Variants in SYT17 observed in about 807,000 individuals in gnomAD.
The protein encoded by SYT17 is synaptotagmin-17.
SYT17 carries 22 observed loss-of-function variants against 46.7 expected under a neutral mutation model. The ratio of observed to expected loss-of-function variants is 0.47; its 90% CI spans 0.34 to 0.67. The LOEUF is 0.67. Among genes scored for constraint, SYT17 ranks in the 30% least tolerant of loss-of-function variants. The pLI is 0.01. For missense variants in SYT17, 519 were observed against 612.8 expected (o/e 0.85, Z 1.62); for synonymous variants, 251 against 248.4 (o/e 1.01, Z -0.10).
Position 19,253,116 on chromosome 16 carries a change from T to C in SYT17, c.1229-13764T>C, listed in dbSNP as rs868067121. 4.6e-4 allele frequency among the ~76,000 whole-genome samples: 70 copies of C among 152,198 alleles called. 1 individual carries two copies. The highest frequency in any genetic ancestry group is 1.6e-3 in the African/African-American group (67 of 41,446). ...ACAGCCCACTTCCTGATTTTGTAAA[T>C]AAAGTTTTATTGGAATACAGCCATG... On this transcript the variant is annotated intron_variant, in intron 7 of 7. Transcript: ENST00000355377.
intron 1 of SYT17, 35 bp from the exon 2 acceptor site, chr16:19,172,725 C>A: frequency 1.2e-6 from 2 of 1,612,470 alleles, no homozygotes; most frequent in Non-Finnish European, 1.7e-6. Context: ...CGTTCCCTTA[C>A]GCCCTTGGCT....
At chr16:19,255,346 G>A (rs1007650650) in intron 7 of SYT17, among the ~76,000 whole-genome samples, 1 of 152,122 alleles carries the variant, frequency 6.6e-6, no homozygotes, top group Non-Finnish European at 1.5e-5. Flanking sequence ...CTTCACTGTA[G>A]GGCCTGTCCT....
chr16:19,180,428 G>A lies in SYT17; in HGVS notation c.220G>A (p.Val74Ile). 6.2e-7 allele frequency: 1 copy of A among 1,614,190 alleles called. No individual in the cohort carries two copies. The highest frequency in any genetic ancestry group is 8.5e-7 in the Non-Finnish European group (1 of 1,180,032). Residue 74 changes from valine (V) to isoleucine (I), a missense_variant, in exon 4 of 8, where the codon GTC becomes ATC. Physicochemically the swap from Val to Ile is conservative, Grantham distance 29. Coordinates refer to ENST00000355377, the MANE Select transcript of SYT17 (RefSeq NM_016524.4). Reference protein sequence around the residue: ...SRSSDKDGDSVHTASEVPLTP... With the variant: ...SRSSDKDGDSIHTASEVPLTP... Reference sequence around the variant, plus strand: ...GAGCAGTGACAAGGATGGTGACTCTGTCCACACGGCCAGCGAAGTCCCGCT... The same window carrying A: ...GAGCAGTGACAAGGATGGTGACTCTATCCACACGGCCAGCGAAGTCCCGCT...
intron 3 of SYT17, chr16:19,180,099 G>A (rs972013729): frequency 9.6e-6 from 3 of 313,100 alleles, no homozygotes; most frequent in Admixed American, 8.7e-5. Flanking sequence ...CCCCCACGTG[G>A]CGACAGCTTA....
At chr16:19,212,036 GATAA>G (rs1341635013) in intron 5 of SYT17, among the ~76,000 whole-genome samples, 7 of 152,172 alleles carry the variant, frequency 4.6e-5, no homozygotes, top group Non-Finnish European at 8.8e-5. Context: ...CGATCCCGTA[GATAA>G]ATTATTTTAG....
intron 2 of SYT17, 139 bp downstream of exon 2, chr16:19,172,916 C>G (rs1964157190): frequency 2.7e-6 from 3 of 1,095,704 alleles, no homozygotes; most frequent in Non-Finnish European, 3.9e-6. Context: ...AGTTTCCATT[C>G]CTTTCTACCG....
chr16:19,241,699 A>G (rs1480972777), intron 7 of SYT17, among the ~76,000 whole-genome samples: 1 of 152,050 alleles, frequency 6.6e-6, no homozygotes, highest in Non-Finnish European at 1.5e-5. Context: ...GGCTCTGAGG[A>G]CCATCCACCT....
intron 1 of SYT17, chr16:19,171,851 ACTTT>A (rs1567195301): frequency 1.3e-5 from 2 of 152,184 alleles, no homozygotes; most frequent in Admixed American, 1.3e-4. Context: ...GACAAGATCT[ACTTT>A]CTTTGTTTAA....
chr16:19,259,298 T>C (rs2106671), intron 7 of SYT17, among the ~76,000 whole-genome samples: 70,108 of 152,022 alleles, frequency 0.46, 16,833 homozygotes, highest in East Asian at 0.61. Flanking sequence ...TCCCCATAAG[T>C]TTTAAACAAG....
chr16:19,174,427 C>G (rs931039890), intron 3 of SYT17, among the ~76,000 whole-genome samples: 1 of 152,150 alleles, frequency 6.6e-6, no homozygotes, highest in Non-Finnish European at 1.5e-5. Flanking sequence ...AGACAGACAG[C>G]GGCCAGGACC....
intron 7 of SYT17, among the ~76,000 whole-genome samples, chr16:19,260,838 A>C (rs1443635092): frequency 1.3e-5 from 2 of 152,210 alleles, no homozygotes; most frequent in Non-Finnish European, 2.9e-5. Flanking sequence ...AAGAGAAGGA[A>C]TTTAGGAATG....
intron 5 of SYT17, among the ~76,000 whole-genome samples, chr16:19,201,730 T>C (rs1382277710): frequency 1.3e-5 from 2 of 148,948 alleles, no homozygotes; most frequent in African/African-American, 5.0e-5. Flanking sequence ...TGTGCCAGTA[T>C]AGTGGGTAAG....
chr16:19,231,498 G>C (rs937911710), intron 7 of SYT17, among the ~76,000 whole-genome samples: 2 of 138,070 alleles, frequency 1.4e-5, no homozygotes, highest in Non-Finnish European at 3.0e-5. Flanking sequence ...ACTCCAGCCT[G>C]GGCAACAAGA....
chr16:19,172,346 G>C, intron 1 of SYT17: 1 of 1,380,012 alleles, frequency 7.2e-7, no homozygotes, highest in South Asian at 1.9e-5. Flanking sequence ...CTGTGTGCCT[G>C]CCTGCATGTT....
intron 7 of SYT17, among the ~76,000 whole-genome samples, chr16:19,246,138 C>T (rs1480137694): frequency 1.3e-5 from 2 of 151,624 alleles, no homozygotes; most frequent in African/African-American, 4.8e-5. Flanking sequence ...ATTACAGGCA[C>T]CCACCAGCAA....
At chr16:19,195,045 G>A (rs1965178706) in intron 5 of SYT17, among the ~76,000 whole-genome samples, 1 of 152,208 alleles carries the variant, frequency 6.6e-6, no homozygotes, top group Admixed American at 6.5e-5. Flanking sequence ...TTTCCCAGCT[G>A]TGTGAACTTG....
intron 7 of SYT17, among the ~76,000 whole-genome samples, chr16:19,260,260 C>T (rs374357191): frequency 2.1e-4 from 29 of 137,690 alleles, no homozygotes; most frequent in African/African-American, 6.2e-4. Flanking sequence ...GAGGCCAAGG[C>T]GGGAAGATCA....
chr16:19,252,540 T>TA lies in SYT17; in HGVS notation c.1229-14340_1229-14339insA, dbSNP rs72028357. ...ATACATATATATATACATATATATATTTTTTTTTAAATAACTTGAGGTCAT... is the reference window on the plus strand; with the variant it reads ...ATACATATATATATACATATATATATATTTTTTTTAAATAACTTGAGGTCAT... On this transcript the variant is annotated intron_variant, in intron 7 of 7. Transcript: ENST00000355377. Among the ~76,000 whole-genome samples, 19 of 39,408 alleles carry TA rather than the reference T, an allele frequency of 4.8e-4. 8 individuals are homozygous for TA. The highest frequency in any genetic ancestry group is 5.8e-4 in the African/African-American group (7 of 12,102). 25.9% of individuals were successfully genotyped at this position (39,408 alleles called of 152,430 possible). A position where few individuals can be genotyped will look rare whatever the true frequency, so the allele number is the denominator to read the frequency against.
intron 5 of SYT17, among the ~76,000 whole-genome samples, chr16:19,207,093 C>T (rs1965701727): frequency 6.6e-6 from 1 of 152,092 alleles, no homozygotes; most frequent in African/African-American, 2.4e-5. Flanking sequence ...CGTGCCTTCC[C>T]CATCTCTCTT....
Sources: gnomAD v4.1 joint callset for allele counts (sites outside exome capture counted in the v4.1 genomes callset) on GRCh38, gnomAD v4.1.1 for gene constraint, MANE v1.5 for transcripts, NCBI Gene and HGNC (gene_info 2026-07-23, HGNC 2026-07-21) for gene names.